Variants in UBE2D3 observed in about 807,000 individuals in gnomAD.
The protein encoded by UBE2D3 is ubiquitin conjugating enzyme E2 D3, also known as ubiquitin-conjugating enzyme E2 D3.
Under a neutral mutation model 22.8 loss-of-function variants are expected in UBE2D3, and 2 were observed. The ratio of observed to expected loss-of-function variants is 0.09; its 90% confidence interval spans 0.04 to 0.28. UBE2D3 has a LOEUF of 0.28. Ranked by LOEUF, UBE2D3 falls within the 10% of genes least tolerant of loss-of-function variation. The pLI, the probability that UBE2D3 is intolerant of heterozygous loss-of-function variation, is 1.00. For missense variants in UBE2D3, 27 were observed against 182.5 expected (o/e 0.15, Z 4.91); for synonymous variants, 56 against 60.4 (o/e 0.93, Z 0.34).
At chr4:102,838,557 G>C (rs1193795477) in intron 1 of UBE2D3, among the ~76,000 whole-genome samples, 1 of 152,114 alleles carries the variant, frequency 6.6e-6, no homozygotes, top group Non-Finnish European at 1.5e-5. Context: ...GTTAGATGGA[G>C]AGTTTACCTT....
intron 1 of UBE2D3, among the ~76,000 whole-genome samples, chr4:102,845,975 G>T (rs1249699436): frequency 6.6e-6 from 1 of 152,074 alleles, no homozygotes; most frequent in African/African-American, 2.4e-5. Context: ...ATTTTTACTA[G>T]AGATGGGGTT....
chr4:102,850,757 A>G (rs112166412), intron 1 of UBE2D3, among the ~76,000 whole-genome samples: 1,814 of 152,352 alleles, frequency 0.012, 21 homozygotes, highest in African/African-American at 0.036. Flanking sequence ...AGCCATAAAA[A>G]GAAATGAAAT....
At chr4:102,828,093 C>G (rs1189383897), upstream of UBE2D3, 2 of 985,324 alleles carry the variant, frequency 2.0e-6, no homozygotes, top group African/African-American at 3.5e-5. Flanking sequence ...CAGTAAGGCA[C>G]CGGCTCGAAC....
At chr4:102,801,677 A>G (rs1726172741) in intron 5 of UBE2D3, 118 bp from the exon 6 acceptor site, 2 of 804,386 alleles carry the variant, frequency 2.5e-6, no homozygotes, top group Non-Finnish European at 3.8e-6. Flanking sequence ...GAAGTTCTAA[A>G]TATTATAGAA....
chr4:102,813,877 G>T (rs1728416022), intron 2 of UBE2D3, among the ~76,000 whole-genome samples: 1 of 152,158 alleles, frequency 6.6e-6, no homozygotes, highest in Admixed American at 6.5e-5. Flanking sequence ...TTCGGGAATG[G>T]TCAGTCTAGA....
intron 4 of UBE2D3, among the ~76,000 whole-genome samples, chr4:102,807,121 A>G (rs951214154): frequency 3.8e-4 from 58 of 152,158 alleles, no homozygotes; most frequent in African/African-American, 1.3e-3. Context: ...GCACCACTTT[A>G]AGGGACCTAA....
chr4:102,847,803 G>A (rs772047599), intron 1 of UBE2D3, among the ~76,000 whole-genome samples: 3 of 151,704 alleles, frequency 2.0e-5, no homozygotes, highest in South Asian at 2.1e-4. Flanking sequence ...GCCACCATGC[G>A]CAGCTAATTA....
intron 2 of UBE2D3, chr4:102,812,760 G>A (rs1291762808): frequency 1.3e-5 from 2 of 152,142 alleles, no homozygotes; most frequent in South Asian, 4.1e-4. Flanking sequence ...CACTGAAAAA[G>A]AAAAGAGACT....
chr4:102,820,161 A>T (rs183344830), intron 2 of UBE2D3, among the ~76,000 whole-genome samples: 2 of 152,362 alleles, frequency 1.3e-5, no homozygotes, highest in East Asian at 1.9e-4. Flanking sequence ...AGTGCAGTGC[A>T]ATTAGCTGTC....
intron 1 of UBE2D3, among the ~76,000 whole-genome samples, chr4:102,833,664 G>T (rs1374534622): frequency 1.3e-5 from 2 of 152,154 alleles, no homozygotes; most frequent in Non-Finnish European, 2.9e-5. Flanking sequence ...GAAATGCTAG[G>T]CAGGTAGAAC....
intron 2 of UBE2D3, among the ~76,000 whole-genome samples, chr4:102,821,923 T>C (rs1049262512): frequency 1.3e-5 from 2 of 152,216 alleles, no homozygotes; most frequent in Non-Finnish European, 2.9e-5. Context: ...AAAAAAAGAA[T>C]GCAAAAACCA....
At chr4:102,859,045 C>T (rs1732758583) in intron 1 of UBE2D3, among the ~76,000 whole-genome samples, 1 of 151,894 alleles carries the variant, frequency 6.6e-6, no homozygotes, top group South Asian at 2.1e-4. Flanking sequence ...TTAGTTTCCA[C>T]TTGAAGTACT....
At chr4:102,808,315 T>A (rs2110277020) in intron 4 of UBE2D3, among the ~76,000 whole-genome samples, 1 of 152,306 alleles carries the variant, frequency 6.6e-6, no homozygotes, top group Non-Finnish European at 1.5e-5. Context: ...ACTGGGTAAC[T>A]CAACATTTAA....
chr4:102,813,276 TC>T (rs1728314604), intron 2 of UBE2D3, among the ~76,000 whole-genome samples: 1 of 152,186 alleles, frequency 6.6e-6, no homozygotes, highest in South Asian at 2.1e-4. Flanking sequence ...AGCCCAGAAC[TC>T]CTGGGCTCAA....
At chr4:102,847,052 T>C (rs1732073071) in intron 1 of UBE2D3, among the ~76,000 whole-genome samples, 1 of 152,110 alleles carries the variant, frequency 6.6e-6, no homozygotes, top group Non-Finnish European at 1.5e-5. Flanking sequence ...CAGAAAGAGA[T>C]TTAGGGGAAG....
intron 1 of UBE2D3, among the ~76,000 whole-genome samples, chr4:102,850,696 A>T (rs1226102370): frequency 6.6e-6 from 1 of 152,212 alleles, no homozygotes; most frequent in East Asian, 1.9e-4. Flanking sequence ...GAAAATTTAT[A>T]CACATATATT....
At chr4:102,816,347 C>T (rs1351027130) in intron 2 of UBE2D3, among the ~76,000 whole-genome samples, 8 of 152,210 alleles carry the variant, frequency 5.3e-5, no homozygotes, top group Admixed American at 4.6e-4. Flanking sequence ...TGACCCATAG[C>T]TGTTGACAGG....
intron 2 of UBE2D3, among the ~76,000 whole-genome samples, chr4:102,819,329 CAAA>C (rs762178343): frequency 7.0e-5 from 6 of 85,392 alleles, no homozygotes; most frequent in Non-Finnish European, 1.1e-4. Context: ...GACTCCGCCT[CAAA>C]AAAAAAAAAA....
At chr4:102,832,141 G>C (rs544582456), upstream of UBE2D3, among the ~76,000 whole-genome samples, 13 of 152,208 alleles carry the variant, frequency 8.5e-5, no homozygotes, top group South Asian at 1.5e-3. Context: ...CTGAGGAAGA[G>C]AGTTGTATTA....
Sources: allele counts gnomAD v4.1 joint callset (sites outside exome capture counted in the v4.1 genomes callset), GRCh38; gene constraint gnomAD v4.1.1; transcripts MANE v1.5; gene names NCBI Gene and HGNC (gene_info 2026-07-23, HGNC 2026-07-21).